PARP10: variants seen among roughly 807,000 people sequenced by gnomAD.
PARP10 encodes poly(ADP-ribose) polymerase family member 10.
PARP10 carries 56 observed loss-of-function variants against 82.4 expected under a neutral mutation model. That is an observed-to-expected ratio of 0.68 (90% CI 0.55 to 0.85). The LOEUF (loss-of-function observed/expected upper bound fraction) is 0.85. PARP10 is among the 40% of genes least tolerant of loss of function. PARP10 has a pLI of 0.00. For missense variants in PARP10, 1,227 were observed against 1,379.4 expected (o/e 0.89, Z 1.75); for synonymous variants, 576 against 601.1 (o/e 0.96, Z 0.61).
upstream of PARP10, chr8:143,986,694 C>T (rs1403242190): frequency 4.0e-6 from 2 of 496,114 alleles, no homozygotes; most frequent in Non-Finnish European, 3.7e-6. Flanking sequence ...CCCTGGTGGC[C>T]CTCCACTCCC....
upstream of PARP10, among the ~76,000 whole-genome samples, chr8:143,993,838 C>G (rs1834138886): frequency 6.6e-6 from 1 of 152,222 alleles, no homozygotes; most frequent in South Asian, 2.1e-4. Context: ...GATATTCCAC[C>G]CAGGCCTGCC....
At chr8:143,991,653 G>T, upstream of PARP10, 1 of 1,591,136 alleles carries the variant, frequency 6.3e-7, no homozygotes, top group Non-Finnish European at 8.6e-7. Context: ...AGGGGGAGGT[G>T]CTTGTGAGTG....
intron 1 of PARP10, among the ~76,000 whole-genome samples, chr8:144,006,119 G>A (rs1834235157): frequency 3.9e-5 from 6 of 152,144 alleles, no homozygotes; most frequent in Admixed American, 3.9e-4. Flanking sequence ...GGCATTTCCT[G>A]GCAATATAAA....
At chr8:144,005,180 A>G (rs1159515783) in intron 1 of PARP10, among the ~76,000 whole-genome samples, 2 of 147,156 alleles carry the variant, frequency 1.4e-5, no homozygotes, top group African/African-American at 4.9e-5. Context: ...CTCAGTCTCA[A>G]AAAAAAAAAA....
At chr8:143,992,027 C>G, upstream of PARP10, 2 of 1,613,996 alleles carry the variant, frequency 1.2e-6, no homozygotes, top group South Asian at 2.2e-5. Context: ...TCATCGTCCT[C>G]AGCTGTTGTG....
At chr8:144,012,320 G>A (rs1834293933) in intron 1 of PARP10, 2 of 599,014 alleles carry the variant, frequency 3.3e-6, no homozygotes. Context: ...AGGCCTGGTG[G>A]CATGGAGAGC....
upstream of PARP10, chr8:143,992,564 C>T (rs1449427830): frequency 6.8e-6 from 11 of 1,614,084 alleles, no homozygotes; most frequent in African/African-American, 1.3e-5. Flanking sequence ...GAACCGCATC[C>T]TGGAGATCGT....
intron 1 of PARP10, among the ~76,000 whole-genome samples, chr8:144,003,177 C>A (rs61551549): frequency 0.029 from 4,375 of 152,186 alleles, 221 homozygotes; most frequent in African/African-American, 0.099. Context: ...AATTCCAGCA[C>A]TTTGGGAGGC....
chr8:143,997,689 T>A (rs1834173141), intron 1 of PARP10, among the ~76,000 whole-genome samples: 1 of 151,688 alleles, frequency 6.6e-6, no homozygotes, highest in Non-Finnish European at 1.5e-5. Context: ...GTCCCAGGAG[T>A]TGGGACCTGA....
rs995875667 is a variant in PARP10 at position 144,008,595 on chromosome 8, A to G, written c.-80+3935T>C. Among the ~76,000 whole-genome samples the G allele has an allele frequency of 3.9e-5, 6 of 152,032 alleles. No individual in the cohort carries two copies. The highest frequency in any genetic ancestry group is 7.4e-5 in the Non-Finnish European group (5 of 67,964). On this transcript the variant is annotated intron_variant, in intron 1 of 3. Coordinates refer to the PARP10 transcript ENST00000530478. This position sits in a 1 kb window ranked among gnomAD's most constrained non-coding sequence, Gnocchi z 4.0. ...GAGTGCACCCCAGGAGGTTCCTGTCACTCCTGCGGGCCCAGCCTCCCTGCA... is the reference window on the plus strand; with the variant it reads ...GAGTGCACCCCAGGAGGTTCCTGTCGCTCCTGCGGGCCCAGCCTCCCTGCA...
chr8:143,993,695 T>C (rs1834136750), upstream of PARP10, among the ~76,000 whole-genome samples: 1 of 152,156 alleles, frequency 6.6e-6, no homozygotes, highest in Non-Finnish European at 1.5e-5. Flanking sequence ...GATGGCACGG[T>C]ATAGCCGCCT....
chr8:143,977,415 G>A lies in PARP10; in HGVS notation c.*69C>T. ...GACAGCTCAGGCGGCCACAGTTGGG[G>A]GCGGGGAGCATCAGCCTGTGCGGAG... On this transcript the variant is annotated 3_prime_UTR_variant, in exon 11 of 11. Coordinates refer to ENST00000313028, the MANE Select transcript of PARP10 (RefSeq NM_032789.5). The A allele has an allele frequency of 7.3e-7, 1 of 1,367,274 alleles. No homozygotes were observed. The highest frequency in any genetic ancestry group is 1.5e-5 in the African/African-American group (1 of 68,856). 84.7% of individuals were successfully genotyped at this position (1,367,274 alleles called of 1,614,324 possible). A position where few individuals can be genotyped will look rare whatever the true frequency, so the allele number is the denominator to read the frequency against.
At position 143,985,515 on chromosome 8, in the gene PARP10, C is replaced by G. The variant is rs781923831; in HGVS notation, c.570G>C (p.Glu190Asp). The G allele has an allele frequency of 3.7e-6, 6 of 1,613,938 alleles. No individual in the cohort carries two copies. ...DGASVDLLLL[E>D]LYLENERRSG... ...TGCGGCGCTCATTCTCCAGGTACAACTCCAGCAACAGCAGGTCCACAGAGG... is the reference window on the plus strand; with the variant it reads ...TGCGGCGCTCATTCTCCAGGTACAAGTCCAGCAACAGCAGGTCCACAGAGG... The change falls in exon 4 of 11, where the codon GAG (glutamate) becomes GAC (aspartate). Residue 190 changes from glutamate to aspartate, a missense_variant. By Grantham distance (45) the Glu-to-Asp change is conservative (BLOSUM62 2). Coordinates refer to ENST00000313028, the MANE Select transcript of PARP10 (RefSeq NM_032789.5).
At chr8:143,997,348 A>G (rs192442183) in intron 1 of PARP10, among the ~76,000 whole-genome samples, 1 of 152,244 alleles carries the variant, frequency 6.6e-6, no homozygotes, top group East Asian at 1.9e-4. Flanking sequence ...GCTGTCGTGC[A>G]ACTCCTTCCT....
chr8:144,001,432 C>T (rs1214836120), intron 1 of PARP10, among the ~76,000 whole-genome samples: 6 of 151,054 alleles, frequency 4.0e-5, no homozygotes, highest in Non-Finnish European at 7.4e-5. Flanking sequence ...ACAGGCTGGG[C>T]GTGGTGGCTT....
intron 2 of PARP10, 29 bp from the exon 3 acceptor site, chr8:143,986,004 G>A (rs1554749278): frequency 1.9e-6 from 3 of 1,603,032 alleles, no homozygotes; most frequent in South Asian, 1.1e-5. Context: ...CAGGATGTCA[G>A]GCATTAGAAT....
At chr8:144,000,645 A>G (rs1400871169) in intron 1 of PARP10, among the ~76,000 whole-genome samples, 1 of 152,102 alleles carries the variant, frequency 6.6e-6, no homozygotes, top group Admixed American at 6.6e-5. Context: ...CAAACAATAA[A>G]CTAATACACC....
chr8:143,984,747 T>C lies in PARP10; in HGVS notation c.1255A>G (p.Ile419Val), dbSNP rs1833944358. The C allele has an allele frequency of 2.5e-6, 4 of 1,613,104 alleles. No homozygotes were observed. In the East Asian group the frequency reaches 8.9e-5, roughly 36 times the overall value. The change falls in exon 5 of 11, where the codon ATC becomes GTC. Residue 419 changes from isoleucine (I) to valine (V), a missense_variant. Ile to Val is a conservative substitution (Grantham distance 29, BLOSUM62 3). Transcript: ENST00000313028. ...EQEGLVGPME[I>V]TMGSLEKAGP... ...GCCTTCTCCAGAGACCCCATGGTGA[T>C]CTCCATGGGACCCACCAGCCCCTCT...
intron 9 of PARP10, among the ~76,000 whole-genome samples, chr8:143,978,428 T>C (rs534429566): frequency 3.9e-5 from 6 of 152,278 alleles, no homozygotes; most frequent in South Asian, 4.1e-4. Context: ...CACAGACCTC[T>C]CAGTGCTGAA....
Sources: gnomAD v4.1 joint callset for allele counts (sites outside exome capture counted in the v4.1 genomes callset) on GRCh38, gnomAD v4.1.1 for gene constraint, Gnocchi (gnomAD v3.1) non-coding constraint, MANE v1.5 for transcripts, NCBI Gene and HGNC (gene_info 2026-07-23, HGNC 2026-07-21) for gene names.